ZNF277: variants seen among roughly 807,000 people sequenced by gnomAD.
ZNF277 encodes nuclear receptor-interacting factor 4.
Under a neutral mutation model 60.7 loss-of-function variants are expected in ZNF277, and 55 were observed. The ratio of observed to expected loss-of-function variants is 0.91; its 90% CI spans 0.73 to 1.13. The LOEUF is 1.13. Ranked by LOEUF, ZNF277 falls within the 50% of genes most tolerant of loss-of-function variation. The pLI, the probability that ZNF277 is intolerant of heterozygous loss-of-function variation, is 0.00. For synonymous variants in ZNF277, 178 were observed against 179.3 expected, an observed-to-expected ratio of 0.99 and a Z score of 0.06; for missense variants, 510 against 523.0, an observed-to-expected ratio of 0.98 and a Z score of 0.24.
At chr7:112,275,784 G>A (rs1207912034) in intron 1 of ZNF277, among the ~76,000 whole-genome samples, 1 of 151,504 alleles carries the variant, frequency 6.6e-6, no homozygotes, top group African/African-American at 2.4e-5. Flanking sequence ...AAGGTATCAT[G>A]TATAAACCAG....
At chr7:112,246,777 G>A (rs766558921) in intron 1 of ZNF277, among the ~76,000 whole-genome samples, 4 of 152,206 alleles carry the variant, frequency 2.6e-5, no homozygotes, top group Non-Finnish European at 4.4e-5. Context: ...CCATCCAAAT[G>A]CTTGGCATAC....
chr7:112,293,710 G>A (rs1455088390), intron 2 of ZNF277, among the ~76,000 whole-genome samples: 1 of 152,154 alleles, frequency 6.6e-6, no homozygotes, highest in Non-Finnish European at 1.5e-5. Flanking sequence ...ATTTTCCAAA[G>A]TAAAGTAGTC....
chr7:112,241,427 C>A (rs183227617), intron 1 of ZNF277, among the ~76,000 whole-genome samples: 1 of 152,224 alleles, frequency 6.6e-6, no homozygotes, highest in East Asian at 1.9e-4. Context: ...ATTAGTGCAA[C>A]CACTATGGAA....
chr7:112,211,440 A>G (rs1439654988), intron 1 of ZNF277, among the ~76,000 whole-genome samples: 1 of 152,148 alleles, frequency 6.6e-6, no homozygotes, highest in African/African-American at 2.4e-5. Flanking sequence ...TGCATCTCCC[A>G]TGCCCCAGAA....
chr7:112,336,171 A>G lies in ZNF277; in HGVS notation c.869A>G (p.Asp290Gly). 1 of 1,609,488 alleles carries G rather than the reference A, an allele frequency of 6.2e-7. No individual in the cohort carries two copies. ...DDRELLDHQEDDWSDWEEHPA... is the reference protein window; with the variant it reads ...DDRELLDHQEGDWSDWEEHPA... ...CGGGAGTTGCTGGACCATCAGGAAG[A>G]GTAAGAGTTGTTATTGCTGCTAATT... The change falls in exon 8 of 12, where the codon GAT becomes GGT. Residue 290 changes from aspartate (D) to glycine (G), a missense_variant and splice_region_variant. Transcript: ENST00000361822.
rs777079330 is a variant in ZNF277 at position 112,319,720 on chromosome 7, AAG to A, written c.557+1450_557+1451del. ...TATAAATTAAATTTATAAATTATAA[AAG>A]AGTTTAATTGAGGCATTAATGTTCA... On this transcript the variant is annotated intron_variant, in intron 5 of 11. Transcript: ENST00000361822. Among the ~76,000 whole-genome samples the A allele has an allele frequency of 1.2e-3, 179 of 149,388 alleles. 5 individuals are homozygous for A. In the East Asian group the frequency reaches 0.025, roughly 21 times the overall value.
chr7:112,256,556 T>C (rs548764471), intron 1 of ZNF277, among the ~76,000 whole-genome samples: 2 of 151,532 alleles, frequency 1.3e-5, no homozygotes, highest in South Asian at 4.2e-4. Context: ...AGTGATTCTC[T>C]TGCCTCAACC....
At chr7:112,235,653 C>T (rs1259535296) in intron 1 of ZNF277, among the ~76,000 whole-genome samples, 2 of 151,970 alleles carry the variant, frequency 1.3e-5, no homozygotes, top group Non-Finnish European at 2.9e-5. Context: ...ATTCTGGATA[C>T]AAGTCCTGTA....
chr7:112,217,960 C>T (rs775191279), intron 1 of ZNF277, among the ~76,000 whole-genome samples: 1 of 152,154 alleles, frequency 6.6e-6, no homozygotes, highest in East Asian at 1.9e-4. Flanking sequence ...CGACTCCCTA[C>T]GATTTCATCT....
chr7:112,295,974 G>T lies in ZNF277; in HGVS notation c.382+17G>T. ...CTCCATTTGGTAAGTGTACATCTTG[G>T]CTACCATCTTTTCCCTACAGTATAA... On this transcript the variant is annotated intron_variant, in intron 3 of 11. Coordinates refer to ENST00000361822, the MANE Select transcript of ZNF277 (RefSeq NM_021994.3). 6.4e-7 allele frequency: 1 copy of T among 1,561,422 alleles called. No individual in the cohort carries two copies. The highest frequency in any genetic ancestry group is 1.1e-5 in the South Asian group (1 of 89,870).
intron 1 of ZNF277, among the ~76,000 whole-genome samples, chr7:112,242,350 G>C (rs1023534078): frequency 1.3e-5 from 2 of 151,946 alleles, no homozygotes; most frequent in Admixed American, 6.6e-5. Flanking sequence ...AATGGAACAA[G>C]TATCCCCACT....
chr7:112,240,357 A>G (rs929090241), intron 1 of ZNF277, among the ~76,000 whole-genome samples: 11 of 152,224 alleles, frequency 7.2e-5, no homozygotes, highest in Non-Finnish European at 1.5e-5. Context: ...GTAGTATTTG[A>G]TAGCACAACT....
intron 1 of ZNF277, among the ~76,000 whole-genome samples, chr7:112,235,338 G>C (rs1283293944): frequency 1.3e-5 from 2 of 152,014 alleles, no homozygotes; most frequent in Non-Finnish European, 2.9e-5. Context: ...ATTTTGAACT[G>C]TCAAACTGTT....
At chr7:112,308,516 TA>T (rs142550606) in intron 4 of ZNF277, among the ~76,000 whole-genome samples, 10 of 151,152 alleles carry the variant, frequency 6.6e-5, no homozygotes, top group East Asian at 3.9e-4. Flanking sequence ...GATTATGTCT[TA>T]AAAAAAAATT....
chr7:112,266,841 A>G (rs1791562805), intron 1 of ZNF277, among the ~76,000 whole-genome samples: 1 of 152,172 alleles, frequency 6.6e-6, no homozygotes, highest in African/African-American at 2.4e-5. Context: ...TTAGAGAATT[A>G]TCAGTGTCAC....
At chr7:112,332,060 C>A (rs1048987755) in intron 7 of ZNF277, among the ~76,000 whole-genome samples, 1 of 152,170 alleles carries the variant, frequency 6.6e-6, no homozygotes, top group African/African-American at 2.4e-5. Context: ...CCAGGGCCAG[C>A]CATCTCTGGA....
chr7:112,233,242 C>G (rs148353475), intron 1 of ZNF277, among the ~76,000 whole-genome samples: 1 of 152,144 alleles, frequency 6.6e-6, no homozygotes, highest in African/African-American at 2.4e-5. Context: ...ACTTCTTTGG[C>G]ACTTGGATGA....
intron 1 of ZNF277, among the ~76,000 whole-genome samples, chr7:112,284,735 A>AT (rs1467543126): frequency 6.6e-6 from 1 of 152,148 alleles, no homozygotes; most frequent in African/African-American, 2.4e-5. Context: ...AAACAGTTTG[A>AT]TTTAGCATAC....
chr7:112,289,157 A>G (rs1399095735), intron 2 of ZNF277, among the ~76,000 whole-genome samples: 2 of 152,134 alleles, frequency 1.3e-5, no homozygotes, highest in Admixed American at 1.3e-4. Context: ...CCTAATTATC[A>G]TTTGTAAAAT....
Sources: gnomAD v4.1 joint callset for allele counts (sites outside exome capture counted in the v4.1 genomes callset) on GRCh38, gnomAD v4.1.1 for gene constraint, MANE v1.5 for transcripts, NCBI Gene and HGNC (gene_info 2026-07-23, HGNC 2026-07-21) for gene names.